Variants in MED13L observed in about 807,000 individuals in gnomAD.
MED13L encodes the protein mediator complex subunit 13L, also known as mediator of RNA polymerase II transcription subunit 13-like.
MED13L carries 7 observed loss-of-function variants against 220.9 expected under a neutral mutation model. The observed-to-expected ratio is 0.03, with a 90% CI of 0.02 to 0.06. The LOEUF is 0.06. MED13L is among the 10% of genes least tolerant of loss of function. MED13L has a pLI of 1.00. For missense variants in MED13L, 1,965 were observed against 2,760.5 expected, an observed-to-expected ratio of 0.71 and a Z score of 6.46; for synonymous variants, 1,011 against 1,015.2, an observed-to-expected ratio of 1.00 and a Z score of 0.08.
At chr12:116,191,415 C>T (rs953510920) in intron 2 of MED13L, among the ~76,000 whole-genome samples, 1 of 152,094 alleles carries the variant, frequency 6.6e-6, no homozygotes, top group Non-Finnish European at 1.5e-5. Context: ...ACTGCAACCT[C>T]CACCCCCTGG....
At position 115,969,113 on chromosome 12, in the gene MED13L, G is replaced by A; in HGVS notation, c.6068-16C>T. 6 of 1,611,358 alleles carry A rather than the reference G, an allele frequency of 3.7e-6. No homozygotes were observed. The highest frequency in any genetic ancestry group is 5.1e-6 in the Non-Finnish European group (6 of 1,178,508). On this transcript the variant is annotated splice_polypyrimidine_tract_variant and intron_variant, in intron 27 of 30. Coordinates refer to ENST00000281928, the MANE Select transcript of MED13L (RefSeq NM_015335.5). The stretch of plus-strand genomic sequence containing the variant: ...AACATATCATCTAGAGGGAAGGGGG[G>A]AAAAAAAGCACAAAAATTAAAAAGA...
chr12:116,206,046 G>A (rs548766492), intron 2 of MED13L, among the ~76,000 whole-genome samples: 1 of 148,426 alleles, frequency 6.7e-6, no homozygotes, highest in South Asian at 2.1e-4. Context: ...TAACTTCAGC[G>A]GATATAGAGA....
At chr12:116,242,815 G>A (rs1224285663) in intron 1 of MED13L, among the ~76,000 whole-genome samples, 1 of 152,114 alleles carries the variant, frequency 6.6e-6, no homozygotes, top group Non-Finnish European at 1.5e-5. Flanking sequence ...AATATAACTA[G>A]ATTTAAGCTG....
intron 4 of MED13L, among the ~76,000 whole-genome samples, chr12:116,093,104 C>T (rs1334519800): frequency 1.3e-5 from 2 of 152,062 alleles, no homozygotes; most frequent in Non-Finnish European, 1.5e-5. Flanking sequence ...CAAATGCCTT[C>T]CCAAGAGAGA....
chr12:116,045,457 T>C (rs555322168), intron 4 of MED13L, among the ~76,000 whole-genome samples: 7 of 152,250 alleles, frequency 4.6e-5, no homozygotes, highest in African/African-American at 1.4e-4. Context: ...TGGGGGTCTT[T>C]GGTGCTTCTT....
intron 23 of MED13L, among the ~76,000 whole-genome samples, chr12:115,979,581 AAC>A (rs1240031646): frequency 6.6e-6 from 1 of 152,244 alleles, no homozygotes; most frequent in East Asian, 1.9e-4. Context: ...AGTTACAACA[AAC>A]ACAGTGTTAA....
rs770211036 is a variant in MED13L, at chr12:116,038,170, TTC to T, written c.480-15571_480-15570del. Among the ~76,000 whole-genome samples the T allele has an allele frequency of 1.7e-4, 26 of 150,704 alleles. No homozygotes were observed. The East Asian group carries it at 3.9e-3, about 22-fold the overall frequency. On this transcript the variant is annotated intron_variant, in intron 4 of 30. Coordinates refer to ENST00000281928, the MANE Select transcript of MED13L (RefSeq NM_015335.5). The stretch of plus-strand genomic sequence containing the variant: ...TGCTTACTTTAAGACATGCTTGGAA[TTC>T]TTTTTTTTTTTTTTAAATATAAAAC...
At chr12:116,108,052 T>C (rs905591717) in intron 3 of MED13L, among the ~76,000 whole-genome samples, 1 of 151,536 alleles carries the variant, frequency 6.6e-6, no homozygotes, top group Non-Finnish European at 1.5e-5. Context: ...ATCGTGCCAC[T>C]GCACTCCAGC....
intron 2 of MED13L, among the ~76,000 whole-genome samples, chr12:116,135,720 T>G (rs544062144): frequency 1.3e-5 from 2 of 152,128 alleles, no homozygotes; most frequent in African/African-American, 4.8e-5. Flanking sequence ...GGAATAGCTA[T>G]TCAAATAGGG....
At chr12:116,260,410 G>A (rs141341271) in intron 1 of MED13L, among the ~76,000 whole-genome samples, 8 of 152,116 alleles carry the variant, frequency 5.3e-5, no homozygotes, top group African/African-American at 9.7e-5. Flanking sequence ...CAACAGTCAG[G>A]GTTGCACTCC....
At chr12:116,234,541 A>T (rs1395951618) in intron 2 of MED13L, among the ~76,000 whole-genome samples, 1 of 151,794 alleles carries the variant, frequency 6.6e-6, no homozygotes, top group Admixed American at 6.6e-5. Flanking sequence ...GGAAATGCCA[A>T]ATAACATAAA....
chr12:116,272,160 AATT>A (rs1360339809), intron 1 of MED13L, among the ~76,000 whole-genome samples: 1 of 152,176 alleles, frequency 6.6e-6, no homozygotes, highest in Non-Finnish European at 1.5e-5. Flanking sequence ...CTCAATTTTA[AATT>A]ATTAGGCAAA....
Position 116,006,396 on chromosome 12 carries a change from C to CA in MED13L, c.2253dup (p.Gly752TrpfsTer16), listed in dbSNP as rs1566005527. On this transcript the variant is annotated frameshift_variant, in exon 12 of 31. Transcript: ENST00000281928. LOFTEE classifies it high-confidence loss of function. ...CCTGGTGTAGTGACATCCTTGGTAC[C>CA]AAATCCATCCTCTGACTGTATAATA... 1 of 1,613,746 alleles carries CA rather than the reference C, an allele frequency of 6.2e-7. No individual in the cohort carries two copies. Among genetic ancestry groups the CA allele is most frequent in the Admixed American group, 1.7e-5 (1 of 60,008 alleles).
intron 9 of MED13L, among the ~76,000 whole-genome samples, chr12:116,010,420 G>C (rs1007033517): frequency 6.6e-6 from 1 of 152,124 alleles, no homozygotes; most frequent in African/African-American, 2.4e-5. Context: ...AGTTCTTTGA[G>C]AGACACTTTA....
chr12:116,091,688 A>G (rs1430757361), intron 4 of MED13L, among the ~76,000 whole-genome samples: 11 of 152,232 alleles, frequency 7.2e-5, no homozygotes, highest in Non-Finnish European at 1.2e-4. Flanking sequence ...AATGCAAGCT[A>G]CTGCAATCTG....
chr12:116,254,565 A>G (rs1370974417), intron 1 of MED13L, among the ~76,000 whole-genome samples: 1 of 152,054 alleles, frequency 6.6e-6, no homozygotes, highest in Non-Finnish European at 1.5e-5. Context: ...CCTGGTCAAC[A>G]TGATGAAACT....
chr12:116,172,128 C>A (rs1044736799), intron 2 of MED13L, among the ~76,000 whole-genome samples: 2 of 152,148 alleles, frequency 1.3e-5, no homozygotes, highest in African/African-American at 4.8e-5. Context: ...CAATGAAGAT[C>A]CACTTAGGTA....
At chr12:116,190,613 G>T (rs1286800026) in intron 2 of MED13L, among the ~76,000 whole-genome samples, 1 of 151,994 alleles carries the variant, frequency 6.6e-6, no homozygotes, top group Non-Finnish European at 1.5e-5. Context: ...CATACTTTTT[G>T]TTAAATCAAT....
Position 116,024,773 on chromosome 12 carries a change from CGGGGGG to C in MED13L, c.480-2178_480-2173del, listed in dbSNP as rs796599611. On this transcript the variant is annotated intron_variant, in intron 4 of 30. Transcript: ENST00000281928. ...AGTTTCATGCTTTTTTTTGGCGGGG[CGGGGGG>C]GGGGGGGAGGTGATCTTGTTTTTAA... 3.1e-3 allele frequency among the ~76,000 whole-genome samples: 16 copies of C among 5,098 alleles called. 4 individuals are homozygous for C. The highest frequency in any genetic ancestry group is 0.012 in the East Asian group (3 of 246). 3.3% of individuals were successfully genotyped at this position (5,098 alleles called of 152,430 possible). A position where few individuals can be genotyped will look rare whatever the true frequency, so the allele number is the denominator to read the frequency against.
Sources: gnomAD v4.1 joint callset for allele counts (sites outside exome capture counted in the v4.1 genomes callset) on GRCh38, gnomAD v4.1.1 for gene constraint, MANE v1.5 for transcripts, NCBI Gene and HGNC (gene_info 2026-07-23, HGNC 2026-07-21) for gene names.